The following MAX variants were observed in gnomAD, a reference collection of about 807,000 sequenced individuals.
The protein encoded by MAX is protein max.
Under a neutral mutation model 22.3 loss-of-function variants are expected in MAX, and 3 were observed. The observed-to-expected ratio is 0.13, with a 90% CI of 0.06 to 0.35. The LOEUF is 0.35. Ranked by LOEUF, MAX falls within the 10% of genes least tolerant of loss-of-function variation. The probability of loss-of-function intolerance (pLI) is 1.00; values close to 1 mark genes in which losing one functional copy is unlikely to be tolerated. For missense variants in MAX, 119 were observed against 209.4 expected (o/e 0.57, Z 2.66); for synonymous variants, 72 against 77.7 (o/e 0.93, Z 0.39).
At position 65,031,131 on chromosome 14, in the gene MAX, T is replaced by A. The variant is rs1489183075; in HGVS notation, c.172-24847A>T. 1.3e-5 allele frequency among the ~76,000 whole-genome samples: 2 copies of A among 151,568 alleles called. No homozygotes were observed. Among genetic ancestry groups the A allele is most frequent in the African/African-American group, 2.4e-5 (1 of 41,228 alleles). ...CCAGGAGAAGGATTTTTGAGCAGAA[T>A]TCAAACCAATGATTTTTGTCTTCCC... is the stretch of plus-strand genomic sequence containing the variant. On this transcript the variant is annotated intron_variant, in intron 3 of 3. Coordinates refer to the MAX transcript ENST00000341653. The surrounding 1 kb of genome is among the most constrained non-coding windows in gnomAD (Gnocchi z 4.6).
At position 65,044,663 on chromosome 14, in the gene MAX, C is replaced by A; in HGVS notation, c.172-38379G>T. 2 of 693,912 alleles carry A rather than the reference C, an allele frequency of 2.9e-6. No homozygotes were observed. Among genetic ancestry groups the A allele is most frequent in the Non-Finnish European group, 4.3e-6 (2 of 460,888 alleles). The allele number at this position is 693,912 out of a possible 1,614,324, so 43.0% of individuals were successfully genotyped here. On this transcript the variant is annotated intron_variant, in intron 3 of 3. Transcript: ENST00000341653. The surrounding 1 kb of genome is among the most constrained non-coding windows in gnomAD (Gnocchi z 5.5). ...ATTCTTTGCTTCTTCAAATTGGCTGCGACAGAATGAGCTTCCTTGAAATTG... is the reference window on the plus strand; with the variant it reads ...ATTCTTTGCTTCTTCAAATTGGCTGAGACAGAATGAGCTTCCTTGAAATTG...
At position 65,012,190 on chromosome 14, in the gene MAX, C is replaced by T. The variant is rs1293540066; in HGVS notation, c.172-5906G>A. 12 of 1,130,880 alleles carry T rather than the reference C, an allele frequency of 1.1e-5. No individual in the cohort carries two copies. The highest frequency in any genetic ancestry group is 1.4e-5 in the Non-Finnish European group (11 of 779,044). 70.1% of individuals were successfully genotyped at this position (1,130,880 alleles called of 1,614,324 possible). On this transcript the variant is annotated intron_variant, in intron 3 of 3. Coordinates refer to the MAX transcript ENST00000341653. This position sits in a 1 kb window ranked among gnomAD's most constrained non-coding sequence, Gnocchi z 5.0. ...TGGAACCAGAGAAGTTGCTGGTTAT[C>T]CAGTCAGTGATTGCAGGGGGACGTC...
intron 3 of MAX, among the ~76,000 whole-genome samples, chr14:65,048,785 G>A (rs1467959400): frequency 1.3e-5 from 2 of 152,146 alleles, no homozygotes; most frequent in Non-Finnish European, 2.9e-5. Context: ...AGTCTGGGAG[G>A]CAGAGGTTGC....
Position 65,031,846 on chromosome 14 carries a change from A to C in MAX, c.172-25562T>G, listed in dbSNP as rs2139589070. 6.6e-6 allele frequency among the ~76,000 whole-genome samples: 1 copy of C among 152,200 alleles called. No individual in the cohort carries two copies. Among genetic ancestry groups the C allele is most frequent in the East Asian group, 2.0e-4 (1 of 5,122 alleles). On this transcript the variant is annotated intron_variant, in intron 3 of 3. Coordinates refer to the MAX transcript ENST00000341653. The surrounding 1 kb of genome is among the most constrained non-coding windows in gnomAD (Gnocchi z 4.6). ...TGATACAGGAGAATTGCTTGAACCCAGGAGGCGGAGGTTGCAGTGAGCTGA... is the reference window on the plus strand; with the variant it reads ...TGATACAGGAGAATTGCTTGAACCCCGGAGGCGGAGGTTGCAGTGAGCTGA...
rs1380134086 is a variant in MAX, at chr14:65,012,073, G to A, written c.172-5789C>T. On this transcript the variant is annotated intron_variant, in intron 3 of 3. Coordinates refer to the MAX transcript ENST00000341653. This position sits in a 1 kb window ranked among gnomAD's most constrained non-coding sequence, Gnocchi z 5.0. ...TAGCCCAAAGTCACTGCCTTTAGGAGACAATCGCACTCTAAATGTCAGCTG... is the reference window on the plus strand; with the variant it reads ...TAGCCCAAAGTCACTGCCTTTAGGAAACAATCGCACTCTAAATGTCAGCTG... 2 of 457,706 alleles carry A rather than the reference G, an allele frequency of 4.4e-6. No individual in the cohort carries two copies. The highest frequency in any genetic ancestry group is 6.8e-5 in the Admixed American group (2 of 29,610). 28.4% of individuals were successfully genotyped at this position (457,706 alleles called of 1,614,324 possible). A position where few individuals can be genotyped will look rare whatever the true frequency, so the allele number is the denominator to read the frequency against.
intron 3 of MAX, among the ~76,000 whole-genome samples, chr14:65,055,172 T>C (rs1286855729): frequency 6.6e-6 from 1 of 150,886 alleles, no homozygotes; most frequent in Non-Finnish European, 1.5e-5. Context: ...AGTACTTTAC[T>C]CAGTTGGTGG....
chr14:65,006,218 A>G (rs763738013), exon 4 of MAX: 1 of 1,613,354 alleles, frequency 6.2e-7, no homozygotes, highest in Non-Finnish European at 8.5e-7. Flanking sequence ...CCATGGCAGA[A>G]AACAGTTGGA....
chr14:65,055,985 GTTTT>G (rs200188229), intron 3 of MAX, among the ~76,000 whole-genome samples: 1 of 151,902 alleles, frequency 6.6e-6, no homozygotes, highest in African/African-American at 2.4e-5. Context: ...CCCTCTTCCA[GTTTT>G]TTTTCCTCCC....
chr14:65,026,996 T>C (rs1222773716), intron 3 of MAX, among the ~76,000 whole-genome samples: 1 of 152,188 alleles, frequency 6.6e-6, no homozygotes, highest in Non-Finnish European at 1.5e-5. Flanking sequence ...TGATGGATCC[T>C]GACTAGGATG....
At chr14:65,072,639 G>A (rs999057286), downstream of MAX, among the ~76,000 whole-genome samples, 1 of 152,186 alleles carries the variant, frequency 6.6e-6, no homozygotes, top group Non-Finnish European at 1.5e-5. Context: ...TAGAGCCCAG[G>A]AATCCTTTTA....
In MAX at chr14:65,079,713, C is replaced by T. The variant is rs1398015713; in HGVS notation, c.172-1677G>A. On this transcript the variant is annotated intron_variant, in intron 3 of 4. Coordinates refer to ENST00000358664, the MANE Select transcript of MAX (RefSeq NM_002382.5). This position sits in a 1 kb window ranked among gnomAD's most constrained non-coding sequence, Gnocchi z 4.5. Reference sequence around the variant, plus strand: ...AGAAAGACAAAGAAAACATGTACACCGTGGCTAGCAAAACCAGATCTACTC... The same window carrying T: ...AGAAAGACAAAGAAAACATGTACACTGTGGCTAGCAAAACCAGATCTACTC... Among the ~76,000 whole-genome samples the T allele has an allele frequency of 6.6e-6, 1 of 151,970 alleles. No homozygotes were observed. Among genetic ancestry groups the T allele is most frequent in the Non-Finnish European group, 1.5e-5 (1 of 68,004 alleles).
intron 3 of MAX, among the ~76,000 whole-genome samples, chr14:65,040,389 C>T (rs945778386): frequency 6.6e-6 from 1 of 151,196 alleles, no homozygotes; most frequent in African/African-American, 2.4e-5. Flanking sequence ...ATGTTTCTTA[C>T]ACAAGTAGGC....
chr14:65,053,642 A>C (rs977374897), intron 3 of MAX, among the ~76,000 whole-genome samples: 27 of 152,190 alleles, frequency 1.8e-4, no homozygotes, highest in Admixed American at 1.8e-3. Context: ...AAACAAAAAA[A>C]AACTGATCTA....
intron 3 of MAX, among the ~76,000 whole-genome samples, chr14:65,065,587 G>T (rs569245604): frequency 1.3e-5 from 2 of 152,172 alleles, no homozygotes; most frequent in Non-Finnish European, 2.9e-5. Context: ...GAACACAGTG[G>T]TAAGTATTTG....
rs1383923618 is a variant in MAX at position 65,012,201 on chromosome 14, T to C, written c.172-5917A>G. 1 of 1,287,802 alleles carries C rather than the reference T, an allele frequency of 7.8e-7. No homozygotes were observed. The highest frequency in any genetic ancestry group is 1.5e-5 in the African/African-American group (1 of 66,840). The allele number at this position is 1,287,802 out of a possible 1,614,324, so 79.8% of individuals were successfully genotyped here. The stretch of plus-strand genomic sequence containing the variant: ...AAGTTGCTGGTTATCCAGTCAGTGA[T>C]TGCAGGGGGACGTCCTGAAGCTGAG... On this transcript the variant is annotated intron_variant, in intron 3 of 3. Coordinates refer to the MAX transcript ENST00000341653. This position sits in a 1 kb window ranked among gnomAD's most constrained non-coding sequence, Gnocchi z 5.0.
Position 65,069,383 on chromosome 14 carries a change from C to T in MAX, c.171+24325G>A, listed in dbSNP as rs1051129611. 2.0e-4 allele frequency among the ~76,000 whole-genome samples: 31 copies of T among 152,304 alleles called. No individual in the cohort carries two copies. In the South Asian group the frequency reaches 3.1e-3, roughly 15 times the overall value. Reference sequence around the variant, plus strand: ...CCCTGCCCCTCCCATAGTGCCAAACCGCTCTCACTGAGGGCCCATCTCCTG... The same window carrying T: ...CCCTGCCCCTCCCATAGTGCCAAACTGCTCTCACTGAGGGCCCATCTCCTG... On this transcript the variant is annotated intron_variant, in intron 3 of 3. Coordinates refer to the MAX transcript ENST00000341653. The surrounding 1 kb of genome is among the most constrained non-coding windows in gnomAD (Gnocchi z 4.6).
intron 3 of MAX, among the ~76,000 whole-genome samples, chr14:65,067,191 A>G (rs1211356946): frequency 6.6e-6 from 1 of 152,044 alleles, no homozygotes; most frequent in Non-Finnish European, 1.5e-5. Context: ...TCTTAAAAAA[A>G]AAAAAAAAGC....
In MAX at chr14:65,078,535, T is replaced by TC. The variant is rs202093654; in HGVS notation, c.172-500_172-499insG. ...CTGTTGTTGTTGTTGTTGTTGTTGT[T>TC]TTTTTTTTTTTGGAGACGTAGTCTC... On this transcript the variant is annotated intron_variant, in intron 3 of 4. Coordinates refer to ENST00000358664, the MANE Select transcript of MAX (RefSeq NM_002382.5). This position sits in a 1 kb window ranked among gnomAD's most constrained non-coding sequence, Gnocchi z 6.4. Among the ~76,000 whole-genome samples, 1 of 148,816 alleles carries TC rather than the reference T, an allele frequency of 6.7e-6. No individual in the cohort carries two copies. Among genetic ancestry groups the TC allele is most frequent in the Non-Finnish European group, 1.5e-5 (1 of 67,142 alleles).
rs1029534413 is a variant in MAX at position 65,078,107 on chromosome 14, T to G, written c.172-71A>C. 103 of 1,581,414 alleles carry G rather than the reference T, an allele frequency of 6.5e-5. 1 individual carries two copies. Among genetic ancestry groups the G allele is most frequent in the Non-Finnish European group, 8.2e-5 (94 of 1,151,908 alleles). On this transcript the variant is annotated intron_variant, in intron 3 of 4. Transcript: ENST00000358664. This position sits in a 1 kb window ranked among gnomAD's most constrained non-coding sequence, Gnocchi z 6.4. ...ATCCAGGCAGTGAGGGAACCTGGCCTGCAGCAACTGCTTGGGTGGCTGGAA... is the reference window on the plus strand; with the variant it reads ...ATCCAGGCAGTGAGGGAACCTGGCCGGCAGCAACTGCTTGGGTGGCTGGAA...
Sources: gnomAD v4.1 joint callset for allele counts (sites outside exome capture counted in the v4.1 genomes callset) on GRCh38, gnomAD v4.1.1 for gene constraint, Gnocchi (gnomAD v3.1) non-coding constraint, MANE v1.5 for transcripts, NCBI Gene and HGNC (gene_info 2026-07-23, HGNC 2026-07-21) for gene names.